PCGF3: variants seen among roughly 807,000 people sequenced by gnomAD.
PCGF3 encodes the protein polycomb group ring finger 3.
Under a neutral mutation model 33.1 loss-of-function variants are expected in PCGF3, and 7 were observed. That is an observed-to-expected ratio of 0.21 (90% CI 0.12 to 0.40). PCGF3 has a LOEUF of 0.40. PCGF3 is among the 10% of genes least tolerant of loss of function. The pLI is 1.00. For missense variants in PCGF3, 211 were observed against 313.3 expected (o/e 0.67, Z 2.46); for synonymous variants, 153 against 121.3 (o/e 1.26, Z -1.72).
At chr4:766,181 T>A in exon 11 of PCGF3, 1 of 863,764 alleles carries the variant, frequency 1.2e-6, no homozygotes, top group Non-Finnish European at 1.9e-6. Context: ...GGACCAGACT[T>A]CTGAATAGAG....
chr4:710,782 A>T (rs1742529417), intron 1 of PCGF3, among the ~76,000 whole-genome samples: 1 of 152,232 alleles, frequency 6.6e-6, no homozygotes, highest in African/African-American at 2.4e-5. Context: ...TGTGTCACTG[A>T]TGTCAAATCC....
At chr4:711,271 C>G (rs1486064863) in intron 1 of PCGF3, among the ~76,000 whole-genome samples, 1 of 152,198 alleles carries the variant, frequency 6.6e-6, no homozygotes, top group Non-Finnish European at 1.5e-5. Context: ...CAGGGTGCGG[C>G]AGGGGCCCTT....
chr4:711,443 C>CTTTTTTTTTTTTTTTTTTTTTTT (rs201359627), intron 1 of PCGF3, among the ~76,000 whole-genome samples: 1 of 122,940 alleles, frequency 8.1e-6, no homozygotes, highest in Non-Finnish European at 1.8e-5. Context: ...TGTAATTTTT[C>CTTTTTTTTTTTTTTTTTTTTTTT]TTTTTTTTTT....
chr4:754,091 C>T (rs758115234), intron 8 of PCGF3, among the ~76,000 whole-genome samples: 43 of 152,242 alleles, frequency 2.8e-4, no homozygotes, highest in African/African-American at 6.7e-4. Flanking sequence ...TGCTCATCTT[C>T]GCTCGTGCAG....
intron 8 of PCGF3, among the ~76,000 whole-genome samples, chr4:752,183 C>G (rs899389): frequency 0.23 from 34,954 of 152,150 alleles, 4,681 homozygotes; most frequent in East Asian, 0.35. Context: ...CTGGCGAAGC[C>G]GCCTCTTCCA....
rs1290257562 is a variant in PCGF3 at position 743,759 on chromosome 4, A to G, written c.373+175A>G. 3 of 546,666 alleles carry G rather than the reference A, an allele frequency of 5.5e-6. No homozygotes were observed. The African/African-American group carries it at 5.7e-5, about 10-fold the overall frequency. The allele number at this position is 546,666 out of a possible 1,614,324, so 33.9% of individuals were successfully genotyped here. On this transcript the variant is annotated intron_variant, in intron 7 of 10. Transcript: ENST00000362003. ...GGCGTTCCTCCTCACTCCTGGTACC[A>G]GTGGGAACGTGGGCAGAGGGGAAAA...
At chr4:757,003 AATTCGTTCAGT>A (rs1744798286) in intron 8 of PCGF3, 4 of 152,194 alleles carry the variant, frequency 2.6e-5, no homozygotes, top group African/African-American at 9.7e-5. Flanking sequence ...TTAAATAGGT[AATTCGTTCAGT>A]CCTGAGGTTA....
At chr4:760,912 A>T (rs1202851948) in intron 8 of PCGF3, among the ~76,000 whole-genome samples, 1 of 152,242 alleles carries the variant, frequency 6.6e-6, no homozygotes. Context: ...CCCCGAGTGC[A>T]TTCGCAGACA....
At chr4:706,485 G>A (rs1577388394) in intron 1 of PCGF3, among the ~76,000 whole-genome samples, 1 of 150,350 alleles carries the variant, frequency 6.7e-6, no homozygotes, top group Admixed American at 6.6e-5. Flanking sequence ...GAACAGGGAG[G>A]GCCAAGACCC....
chr4:735,539 T>A (rs1743789226), intron 5 of PCGF3, among the ~76,000 whole-genome samples: 1 of 152,160 alleles, frequency 6.6e-6, no homozygotes, highest in Non-Finnish European at 1.5e-5. Flanking sequence ...AGCGAGACTC[T>A]GTCTCAAAGA....
In PCGF3 at chr4:737,629, C is replaced by T. The variant is rs1743892068; in HGVS notation, c.262+108C>T. 10 of 720,934 alleles carry T rather than the reference C, an allele frequency of 1.4e-5. No individual in the cohort carries two copies. The Admixed American group carries it at 1.6e-4, about 12-fold the overall frequency. 44.7% of individuals were successfully genotyped at this position (720,934 alleles called of 1,614,324 possible). On this transcript the variant is annotated intron_variant, in intron 6 of 10. Coordinates refer to ENST00000362003, the Ensembl canonical transcript of PCGF3. ...GATGGGAGGCCCCTTTCCTTTTGGCCGAATCACCGTCTTCTCATCCCTGCT... is the reference window on the plus strand; with the variant it reads ...GATGGGAGGCCCCTTTCCTTTTGGCTGAATCACCGTCTTCTCATCCCTGCT...
At chr4:761,219 C>T (rs1298239421) in intron 8 of PCGF3, 60 bp from the exon 9 acceptor site, 2 of 1,420,838 alleles carry the variant, frequency 1.4e-6, no homozygotes, top group African/African-American at 1.5e-5. Flanking sequence ...TCTAAGGAAG[C>T]CTCCAGAACC....
intron 1 of PCGF3, among the ~76,000 whole-genome samples, chr4:717,011 C>T (rs1285165153): frequency 2.3e-5 from 3 of 131,372 alleles, no homozygotes; most frequent in African/African-American, 9.0e-5. Context: ...AACTGGGCGT[C>T]TGTGCTGGGA....
exon 11 of PCGF3, chr4:768,731 C>T (rs1249065721): frequency 2.0e-5 from 3 of 152,554 alleles, no homozygotes; most frequent in Non-Finnish European, 2.9e-5. Context: ...TTTAAGCCTT[C>T]TATCATATTT....
At position 766,012 on chromosome 4, in the gene PCGF3, T is replaced by C; in HGVS notation, c.682-20T>C. 1.2e-6 allele frequency: 2 copies of C among 1,613,204 alleles called. No individual in the cohort carries two copies. Among genetic ancestry groups the C allele is most frequent in the African/African-American group, 2.7e-5 (2 of 75,046 alleles). On this transcript the variant is annotated intron_variant, in intron 10 of 10. Coordinates refer to ENST00000362003, the Ensembl canonical transcript of PCGF3. ...CTCCACCCCTGCTAAGCAGGCACTG[T>C]GCGTTCTTGTGTCTTCCAGAAGGCG...
chr4:760,151 G>A (rs1744969912), intron 8 of PCGF3, among the ~76,000 whole-genome samples: 2 of 152,226 alleles, frequency 1.3e-5, no homozygotes. Context: ...TGACTGCACC[G>A]TGTCGGAGTG....
chr4:743,254 T>C lies in PCGF3; in HGVS notation c.263-220T>C, dbSNP rs146973662. Among the ~76,000 whole-genome samples the C allele has an allele frequency of 2.8e-3, 430 of 152,332 alleles. 1 individual carries two copies. Among genetic ancestry groups the C allele is most frequent in the Non-Finnish European group, 5.1e-3 (349 of 68,020 alleles). On this transcript the variant is annotated intron_variant, in intron 6 of 10. Transcript: ENST00000362003. ...AGGCCTGGAGCAGCCGGTCTGCGAC[T>C]CAACGTCCCACGTGGGTTGGTGGGG... is the stretch of plus-strand genomic sequence containing the variant.
rs144182660 is a variant in PCGF3 at position 768,196 on chromosome 4, C to T, written c.*2117C>T. ...CCAGTGGTGACCCTGCTTTTGTAAC[C>T]GCGTTAACCTGACAAAACCTCAGCA... On this transcript the variant is annotated 3_prime_UTR_variant, in exon 11 of 11. Coordinates refer to ENST00000362003, the Ensembl canonical transcript of PCGF3. 139 of 152,792 alleles carry T rather than the reference C, an allele frequency of 9.1e-4. 3 individuals are homozygous for T. The highest frequency in any genetic ancestry group is 6.0e-3 in the East Asian group (31 of 5,192). The allele number at this position is 152,792 out of a possible 1,614,324, so 9.5% of individuals were successfully genotyped here. A position where few individuals can be genotyped will look rare whatever the true frequency, so the allele number is the denominator to read the frequency against.
chr4:758,474 T>C lies in PCGF3; in HGVS notation c.463-2805T>C, dbSNP rs867651950. ...TCCGGACTCCGGGTCTTTCTTCCCG[T>C]GCGGCCCCTCTCCCGAGCTCTTCTC... On this transcript the variant is annotated intron_variant, in intron 8 of 10. Transcript: ENST00000362003. 2.7e-3 allele frequency among the ~76,000 whole-genome samples: 196 copies of C among 72,856 alleles called. 2 individuals carry two copies. Among genetic ancestry groups the C allele is most frequent in the African/African-American group, 8.2e-3 (166 of 20,230 alleles). The allele number at this position is 72,856 out of a possible 152,430, so 47.8% of individuals were successfully genotyped here.
Sources: gnomAD v4.1 joint callset for allele counts (sites outside exome capture counted in the v4.1 genomes callset) on GRCh38, gnomAD v4.1.1 for gene constraint, MANE v1.5 for transcripts, NCBI Gene and HGNC (gene_info 2026-07-23, HGNC 2026-07-21) for gene names.